The following ROR1 variants were observed in gnomAD, a reference collection of about 807,000 sequenced individuals.
ROR1 encodes ROR family WNT receptor 1, also known as inactive tyrosine-protein kinase transmembrane receptor ROR1.
In ROR1, 19 loss-of-function variants were observed where a neutral mutation model predicts 78.8. That is an observed-to-expected ratio of 0.24 (90% confidence interval 0.17 to 0.35). The LOEUF is 0.35. ROR1 is among the 10% of genes least tolerant of loss of function. The pLI, the probability that ROR1 is intolerant of heterozygous loss-of-function variation, is 1.00. For synonymous variants in ROR1, 386 were observed against 433.6 expected (o/e 0.89, Z 1.36); for missense variants, 917 against 1,177.8 (o/e 0.78, Z 3.24).
chr1:64,026,221 A>G (rs1487008174), intron 2 of ROR1, among the ~76,000 whole-genome samples: 1 of 152,164 alleles, frequency 6.6e-6, no homozygotes, highest in Non-Finnish European at 1.5e-5. Flanking sequence ...ACTTTGCAGT[A>G]AGATTGGCCT....
rs1446331528 is a variant in ROR1, at chr1:63,815,478, C to CTTTTTTTTTTTT, written c.91+40975_91+40976insTTTTTTTTTTTT. Among the ~76,000 whole-genome samples, 70 of 103,440 alleles carry CTTTTTTTTTTTT rather than the reference C, an allele frequency of 6.8e-4. 4 individuals carry two copies. The highest frequency in any genetic ancestry group is 3.5e-3 in the East Asian group (13 of 3,690). The allele number at this position is 103,440 out of a possible 152,430, so 67.9% of individuals were successfully genotyped here. A position where few individuals can be genotyped will look rare whatever the true frequency, so the allele number is the denominator to read the frequency against. ...TTTTCTTTTTCTTTTCTTTTCTTTT[C>CTTTTTTTTTTTT]TTTTTCTTTTTTTTTTTTTTTTGAG... On this transcript the variant is annotated intron_variant, in intron 1 of 8. Transcript: ENST00000371079.
chr1:63,862,587 G>A (rs1051877775), intron 1 of ROR1, among the ~76,000 whole-genome samples: 1 of 151,944 alleles, frequency 6.6e-6, no homozygotes, highest in Non-Finnish European at 1.5e-5. Flanking sequence ...AAAGAAACCC[G>A]AGAGTTAGGG....
chr1:63,983,043 G>A (rs1300484580), intron 1 of ROR1, among the ~76,000 whole-genome samples: 5 of 152,100 alleles, frequency 3.3e-5, no homozygotes, highest in Non-Finnish European at 5.9e-5. Context: ...GCTTTCTTAA[G>A]CACACAAAAT....
chr1:63,992,455 C>T (rs1397846377), intron 1 of ROR1, among the ~76,000 whole-genome samples: 1 of 152,142 alleles, frequency 6.6e-6, no homozygotes, highest in Non-Finnish European at 1.5e-5. Context: ...ATCCACCCGC[C>T]TTGGCCTCTC....
intron 1 of ROR1, among the ~76,000 whole-genome samples, chr1:63,919,348 G>A (rs987028696): frequency 6.6e-6 from 1 of 152,032 alleles, no homozygotes; most frequent in African/African-American, 2.4e-5. Flanking sequence ...GCTACCGAGA[G>A]GTTTTTCTTT....
chr1:64,029,700 A>T lies in ROR1; in HGVS notation c.164-19991A>T, dbSNP rs147749568. ...ATATTTTTATGAGGCCACCAATCTT[A>T]TCAGATTAAGACCCCACCCTGATTA... On this transcript the variant is annotated intron_variant, in intron 2 of 8. Coordinates refer to ENST00000371079, the MANE Select transcript of ROR1 (RefSeq NM_005012.4). Among the ~76,000 whole-genome samples, 18 of 152,236 alleles carry T rather than the reference A, an allele frequency of 1.2e-4. No homozygotes were observed. The East Asian group carries it at 3.5e-3, about 29-fold the overall frequency.
rs10632011 is a variant in ROR1, at chr1:64,097,575, GTATATATA to G, written c.483-39787_483-39780del. The stretch of plus-strand genomic sequence containing the variant: ...CATACATATATACATATTTCATATA[GTATATATA>G]TATATAAGGCCTTGAGACAATGCTT... On this transcript the variant is annotated intron_variant, in intron 4 of 8. Coordinates refer to ENST00000371079, the MANE Select transcript of ROR1 (RefSeq NM_005012.4). Among the ~76,000 whole-genome samples the G allele has an allele frequency of 5.9e-4, 88 of 149,052 alleles. 1 individual carries two copies. The highest frequency in any genetic ancestry group is 4.2e-4 in the South Asian group (2 of 4,730).
At chr1:63,958,112 G>T (rs1388742300) in intron 1 of ROR1, among the ~76,000 whole-genome samples, 4 of 152,066 alleles carry the variant, frequency 2.6e-5, no homozygotes, top group African/African-American at 7.2e-5. Context: ...CAGCTGTATA[G>T]AATTTTGTCA....
At chr1:63,803,234 G>A (rs1182396498) in intron 1 of ROR1, among the ~76,000 whole-genome samples, 3 of 151,938 alleles carry the variant, frequency 2.0e-5, no homozygotes, top group African/African-American at 4.8e-5. Flanking sequence ...TACAGATTTC[G>A]GTGGCTCCTA....
chr1:63,787,034 G>T (rs905117035), intron 1 of ROR1, among the ~76,000 whole-genome samples: 1 of 152,338 alleles, frequency 6.6e-6, no homozygotes, highest in South Asian at 2.1e-4. Context: ...TGATCCAAAT[G>T]TCAGTGGCCT....
At chr1:63,799,897 T>C (rs942679992) in intron 1 of ROR1, among the ~76,000 whole-genome samples, 3 of 152,230 alleles carry the variant, frequency 2.0e-5, no homozygotes, top group Admixed American at 1.3e-4. Context: ...TGCCTTTTTA[T>C]TGGAAAAACA....
chr1:63,821,044 G>T (rs1193154856), intron 1 of ROR1, among the ~76,000 whole-genome samples: 2 of 152,162 alleles, frequency 1.3e-5, no homozygotes, highest in Non-Finnish European at 2.9e-5. Flanking sequence ...AAAAGGGAAA[G>T]ATTTTTTGTG....
At chr1:63,806,356 C>T (rs1367050565) in intron 1 of ROR1, among the ~76,000 whole-genome samples, 7 of 143,306 alleles carry the variant, frequency 4.9e-5, no homozygotes, top group Non-Finnish European at 7.5e-5. Context: ...CTCGCTCTGT[C>T]GCCCAGGCTG....
chr1:64,137,627 A>G (rs944169410), intron 5 of ROR1, 131 bp downstream of exon 5: 7 of 769,782 alleles, frequency 9.1e-6, no homozygotes, highest in Non-Finnish European at 1.4e-5. Flanking sequence ...ATAAAAAAGC[A>G]TGAGACATGA....
intron 1 of ROR1, among the ~76,000 whole-genome samples, chr1:63,860,249 G>T (rs1645171564): frequency 6.6e-6 from 1 of 152,060 alleles, no homozygotes; most frequent in South Asian, 2.1e-4. Flanking sequence ...AAACTTTATT[G>T]GATTTAATTG....
intron 1 of ROR1, among the ~76,000 whole-genome samples, chr1:63,935,423 T>A (rs1159347912): frequency 6.6e-6 from 1 of 152,128 alleles, no homozygotes; most frequent in Admixed American, 6.5e-5. Context: ...AGTGAAATGG[T>A]CAGGTTAATT....
intron 1 of ROR1, among the ~76,000 whole-genome samples, chr1:63,916,520 C>T (rs918949606): frequency 1.3e-5 from 2 of 152,218 alleles, no homozygotes; most frequent in Admixed American, 1.3e-4. Flanking sequence ...ATACACCTGC[C>T]ATTTGTTCTC....
intron 1 of ROR1, among the ~76,000 whole-genome samples, chr1:63,873,482 T>C (rs1645265135): frequency 6.6e-6 from 1 of 152,050 alleles, no homozygotes; most frequent in African/African-American, 2.4e-5. Context: ...TAGGCTGGAG[T>C]CTTATCCTGA....
chr1:64,127,603 T>C (rs1557664978), intron 4 of ROR1, among the ~76,000 whole-genome samples: 5 of 152,094 alleles, frequency 3.3e-5, no homozygotes, highest in Admixed American at 3.3e-4. Context: ...TGGTTGCTTC[T>C]GGTTTGGGGC....
Sources: allele counts gnomAD v4.1 joint callset (sites outside exome capture counted in the v4.1 genomes callset), GRCh38; gene constraint gnomAD v4.1.1; transcripts MANE v1.5; gene names NCBI Gene and HGNC (gene_info 2026-07-23, HGNC 2026-07-21).